TMEM150C: variants seen among roughly 807,000 people sequenced by gnomAD.
TMEM150C encodes the protein transmembrane protein 150C.
Under a neutral mutation model 29.9 loss-of-function variants are expected in TMEM150C, and 10 were observed. That is an observed-to-expected ratio of 0.33 (90% CI 0.21 to 0.57). TMEM150C has a LOEUF of 0.57. Ranked by LOEUF, TMEM150C falls within the 20% of genes least tolerant of loss-of-function variation. The pLI, the probability that TMEM150C is intolerant of heterozygous loss-of-function variation, is 0.88. For synonymous variants in TMEM150C, 101 were observed against 112.5 expected (o/e 0.90, Z 0.64); for missense variants, 251 against 303.6 (o/e 0.83, Z 1.29).
chr4:82,532,296 C>G (rs1382585646), intron 1 of TMEM150C, among the ~76,000 whole-genome samples: 2 of 152,076 alleles, frequency 1.3e-5, no homozygotes, highest in African/African-American at 4.8e-5. Flanking sequence ...GAAGATGCAG[C>G]CCAGGCTATA....
At chr4:82,548,937 G>A (rs1303257020) in intron 1 of TMEM150C, among the ~76,000 whole-genome samples, 62 of 152,224 alleles carry the variant, frequency 4.1e-4, no homozygotes, top group Non-Finnish European at 1.5e-5. Flanking sequence ...GGTGATAGGT[G>A]AGCCAGAGAG....
chr4:82,546,792 A>C (rs1725401289), intron 1 of TMEM150C, among the ~76,000 whole-genome samples: 1 of 152,154 alleles, frequency 6.6e-6, no homozygotes, highest in African/African-American at 2.4e-5. Context: ...GCGCCACTGC[A>C]CTCTAGCCTG....
chr4:82,523,305 G>A (rs1724547466), intron 1 of TMEM150C, among the ~76,000 whole-genome samples: 1 of 152,184 alleles, frequency 6.6e-6, no homozygotes, highest in South Asian at 2.1e-4. Flanking sequence ...TATATACAGA[G>A]GTTGGAGGAG....
intron 1 of TMEM150C, among the ~76,000 whole-genome samples, chr4:82,505,343 G>A (rs1339095003): frequency 3.3e-5 from 5 of 152,018 alleles, no homozygotes; most frequent in African/African-American, 7.3e-5. Context: ...CACAGTGCCC[G>A]GCCAGAAAAT....
intron 1 of TMEM150C, among the ~76,000 whole-genome samples, chr4:82,549,166 G>T (rs1026729688): frequency 2.6e-5 from 4 of 151,916 alleles, no homozygotes; most frequent in African/African-American, 7.2e-5. Context: ...GTGCATGTTT[G>T]CATGTAATAT....
chr4:82,488,312 A>G (rs1723225914), intron 7 of TMEM150C, among the ~76,000 whole-genome samples: 1 of 152,232 alleles, frequency 6.6e-6, no homozygotes, highest in Non-Finnish European at 1.5e-5. Flanking sequence ...GAAGTGGTTA[A>G]GAGTGAAGAG....
chr4:82,495,925 T>A, intron 6 of TMEM150C, 143 bp downstream of exon 6: 1 of 1,052,242 alleles, frequency 9.5e-7, no homozygotes, highest in South Asian at 1.7e-5. Flanking sequence ...CGAGTTGCCA[T>A]GGAAAAGAGT....
At chr4:82,562,116 C>A (rs747834167), upstream of TMEM150C, 3 of 1,257,992 alleles carry the variant, frequency 2.4e-6, no homozygotes, top group South Asian at 3.9e-5. Flanking sequence ...GAGTTGATCC[C>A]CTGGGTCTCG....
At position 82,525,957 on chromosome 4, in the gene TMEM150C, T is replaced by A. The variant is rs547386832; in HGVS notation, c.-10-21290A>T. On this transcript the variant is annotated intron_variant, in intron 1 of 7. Coordinates refer to ENST00000449862, the MANE Select transcript of TMEM150C (RefSeq NM_001080506.3). The stretch of plus-strand genomic sequence containing the variant: ...TTTTGCTCTGTCACTCAGGCTGGAC[T>A]GCAGTGGCATGATCATGGCTCACAG... Among the ~76,000 whole-genome samples, 4 of 152,372 alleles carry A rather than the reference T, an allele frequency of 2.6e-5. No homozygotes were observed. The South Asian group carries it at 6.2e-4, about 24-fold the overall frequency.
In TMEM150C at chr4:82,551,026, C is replaced by A. The variant is rs909479201; in HGVS notation, c.-11+10880G>T. On this transcript the variant is annotated intron_variant, in intron 1 of 7. Coordinates refer to ENST00000449862, the MANE Select transcript of TMEM150C (RefSeq NM_001080506.3). ...TTTGAGGCTGAATTCATCGGTCAGA[C>A]CCTCTAGGATGATGTCATTGCCATA... Among the ~76,000 whole-genome samples the A allele has an allele frequency of 2.0e-5, 3 of 152,102 alleles. No homozygotes were observed. The East Asian group carries it at 5.8e-4, about 29-fold the overall frequency.
chr4:82,523,934 C>T (rs1724570144), intron 1 of TMEM150C, among the ~76,000 whole-genome samples: 1 of 151,768 alleles, frequency 6.6e-6, no homozygotes, highest in Admixed American at 6.6e-5. Context: ...CGCCCACCTC[C>T]GTCTCCCAAA....
chr4:82,510,790 T>C (rs1724098054), intron 1 of TMEM150C, among the ~76,000 whole-genome samples: 1 of 152,200 alleles, frequency 6.6e-6, no homozygotes. Flanking sequence ...GAAGCAGAAA[T>C]GATGAACGAG....
At chr4:82,500,748 A>C (rs1184887876) in intron 5 of TMEM150C, among the ~76,000 whole-genome samples, 1 of 152,266 alleles carries the variant, frequency 6.6e-6, no homozygotes, top group African/African-American at 2.4e-5. Context: ...AAAAGTATAC[A>C]CTTAAAGACC....
chr4:82,557,000 C>T (rs1003713558), intron 1 of TMEM150C, among the ~76,000 whole-genome samples: 1 of 152,148 alleles, frequency 6.6e-6, no homozygotes, highest in Non-Finnish European at 1.5e-5. Context: ...CCCCAGGACC[C>T]TGAGCTCTGG....
intron 1 of TMEM150C, among the ~76,000 whole-genome samples, chr4:82,522,337 G>A (rs1012668285): frequency 1.3e-5 from 2 of 152,190 alleles, no homozygotes; most frequent in Non-Finnish European, 2.9e-5. Flanking sequence ...GACAAGATGG[G>A]AGTAAGCTCC....
rs181120654 is a variant in TMEM150C at position 82,515,608 on chromosome 4, G to A, written c.-10-10941C>T. On this transcript the variant is annotated intron_variant, in intron 1 of 7. Transcript: ENST00000449862. ...AAAAATTAGCCGGGCATGGTGGCAC[G>A]CGCCTATAATCCCAGCTACTTGGGA... is the stretch of plus-strand genomic sequence containing the variant. 5.3e-5 allele frequency among the ~76,000 whole-genome samples: 8 copies of A among 152,060 alleles called. No homozygotes were observed. The East Asian group carries it at 9.7e-4, about 18-fold the overall frequency.
intron 1 of TMEM150C, among the ~76,000 whole-genome samples, chr4:82,554,803 T>C (rs1725689855): frequency 6.6e-6 from 1 of 152,200 alleles, no homozygotes; most frequent in Non-Finnish European, 1.5e-5. Context: ...TCTACACCTG[T>C]CTAAAAGTAT....
At chr4:82,523,037 G>T (rs1335312371) in intron 1 of TMEM150C, among the ~76,000 whole-genome samples, 1 of 152,150 alleles carries the variant, frequency 6.6e-6, no homozygotes, top group Non-Finnish European at 1.5e-5. Flanking sequence ...GTCACATGAA[G>T]AATCTTTGTC....
At chr4:82,521,859 A>T (rs1396100055) in intron 1 of TMEM150C, among the ~76,000 whole-genome samples, 13 of 152,136 alleles carry the variant, frequency 8.5e-5, no homozygotes, top group Admixed American at 8.5e-4. Context: ...AATGGGCAGC[A>T]CTGACTTATT....
Sources: allele counts gnomAD v4.1 joint callset (sites outside exome capture counted in the v4.1 genomes callset), GRCh38; gene constraint gnomAD v4.1.1; transcripts MANE v1.5; gene names NCBI Gene and HGNC (gene_info 2026-07-23, HGNC 2026-07-21).